Variants in SLC24A3 observed in about 807,000 individuals in gnomAD.
SLC24A3 encodes sodium/potassium/calcium exchanger 3.
Under a neutral mutation model 75.8 loss-of-function variants are expected in SLC24A3, and 28 were observed. That is an observed-to-expected ratio of 0.37 (90% CI 0.27 to 0.51). The LOEUF is 0.51. SLC24A3 is among the 20% of genes least tolerant of loss of function. The pLI, the probability that SLC24A3 is intolerant of heterozygous loss-of-function variation, is 0.94. For synonymous variants in SLC24A3, 372 were observed against 334.1 expected, an observed-to-expected ratio of 1.11 and a Z score of -1.24; for missense variants, 663 against 847.8, an observed-to-expected ratio of 0.78 and a Z score of 2.71.
chr20:19,613,312 C>G (rs559498146), intron 6 of SLC24A3, among the ~76,000 whole-genome samples: 1 of 152,304 alleles, frequency 6.6e-6, no homozygotes, highest in South Asian at 2.1e-4. Flanking sequence ...AGTATCTGAA[C>G]AGTGCCCAAA....
rs559503453 is a variant in SLC24A3 at position 19,431,050 on chromosome 20, T to C, written c.272-84438T>C. Among the ~76,000 whole-genome samples the C allele has an allele frequency of 9.3e-4, 142 of 152,116 alleles. 2 individuals carry two copies. The highest frequency in any genetic ancestry group is 2.7e-3 in the South Asian group (13 of 4,818). On this transcript the variant is annotated intron_variant, in intron 2 of 16. Coordinates refer to ENST00000328041, the MANE Select transcript of SLC24A3 (RefSeq NM_020689.4). ...GGGGGCAAAAGGAGCACCTAGGCTT[T>C]GGGGTCAGGGCAGTAGAGCAGCTTT...
intron 1 of SLC24A3, among the ~76,000 whole-genome samples, chr20:19,256,189 A>T (rs137916175): frequency 1.6e-3 from 237 of 152,272 alleles, no homozygotes; most frequent in African/African-American, 5.5e-3. Context: ...TGCAACATGG[A>T]TGAATCTTGA....
chr20:19,696,886 G>C lies in SLC24A3; in HGVS notation c.1581G>C (p.Met527Ile). ...CTGGGACCAGCGTGCCTGACTGCAT[G>C]GCCAGCCTCATTGTGGCCAGACAAG... Reference protein sequence around the residue: ...LAAGTSVPDCMASLIVARQGM... With the variant: ...LAAGTSVPDCIASLIVARQGM... Residue 527 changes from methionine to isoleucine, a missense_variant, in exon 14 of 17, where the codon ATG becomes ATC. Around this residue, in one of 2 missense-constraint regions of SLC24A3, gnomAD observed 510 missense variants for 703.6 expected, o/e 0.72. Transcript: ENST00000328041. 1 of 1,612,888 alleles carries C rather than the reference G, an allele frequency of 6.2e-7. No homozygotes were observed. Among genetic ancestry groups the C allele is most frequent in the Non-Finnish European group, 8.5e-7 (1 of 1,179,568 alleles).
chr20:19,277,390 G>A (rs141331323), intron 1 of SLC24A3, among the ~76,000 whole-genome samples: 26 of 152,292 alleles, frequency 1.7e-4, no homozygotes, highest in African/African-American at 4.6e-4. Context: ...ATGTAGCCAC[G>A]GATTGGCTCT....
At chr20:19,673,787 GCCAGACTGTTGTGAGTCACTGTA>G in intron 9 of SLC24A3, 133 bp downstream of exon 9, 1 of 712,052 alleles carries the variant, frequency 1.4e-6, no homozygotes, top group Non-Finnish European at 2.4e-6. Context: ...TTGGCTCCCT[GCCAGACTGTTGTGAGTCACTGTA>G]ATTTTGATTA....
At chr20:19,521,692 A>G (rs1568643221) in intron 3 of SLC24A3, among the ~76,000 whole-genome samples, 1 of 152,096 alleles carries the variant, frequency 6.6e-6, no homozygotes, top group Admixed American at 6.5e-5. Flanking sequence ...TCTTCCAGTT[A>G]TTTCTGCTAT....
chr20:19,330,024 C>T (rs972063498), intron 2 of SLC24A3, among the ~76,000 whole-genome samples: 6 of 152,204 alleles, frequency 3.9e-5, no homozygotes, highest in Non-Finnish European at 8.8e-5. Context: ...GATTTTAACT[C>T]AGAAGGGCTC....
intron 2 of SLC24A3, among the ~76,000 whole-genome samples, chr20:19,321,335 G>C (rs901559109): frequency 6.6e-6 from 1 of 152,132 alleles, no homozygotes; most frequent in African/African-American, 2.4e-5. Flanking sequence ...GAGTGATGGA[G>C]CGAACACAGC....
At position 19,618,370 on chromosome 20, in the gene SLC24A3, A is replaced by G. The variant is rs114224991; in HGVS notation, c.612+32826A>G. ...TGCTGTCTTCTGGCTTTGCCTCCTCACCTTGCAGGTGCCGTCTTCCCCCTC... is the reference window on the plus strand; with the variant it reads ...TGCTGTCTTCTGGCTTTGCCTCCTCGCCTTGCAGGTGCCGTCTTCCCCCTC... On this transcript the variant is annotated intron_variant, in intron 6 of 16. Transcript: ENST00000328041. Among the ~76,000 whole-genome samples, 623 of 151,934 alleles carry G rather than the reference A, an allele frequency of 4.1e-3. 3 individuals carry two copies. Among genetic ancestry groups the G allele is most frequent in the African/African-American group, 0.014 (598 of 41,414 alleles).
intron 15 of SLC24A3, among the ~76,000 whole-genome samples, chr20:19,708,243 G>T (rs2122161236): frequency 6.6e-6 from 1 of 152,214 alleles, no homozygotes; most frequent in South Asian, 2.1e-4. Context: ...GTACCTGTAT[G>T]ACAGCATGGG....
chr20:19,336,515 AGCTGGAATTACAGGCG>A (rs1436107273), intron 2 of SLC24A3, among the ~76,000 whole-genome samples: 1 of 152,054 alleles, frequency 6.6e-6, no homozygotes, highest in African/African-American at 2.4e-5. Context: ...CTTCCTGAGT[AGCTGGAATTACAGGCG>A]CCTGCCACCA....
chr20:19,300,265 T>C (rs1432595350), intron 2 of SLC24A3, among the ~76,000 whole-genome samples: 3 of 152,082 alleles, frequency 2.0e-5, no homozygotes, highest in African/African-American at 7.2e-5. Flanking sequence ...AGAAGCTGGG[T>C]CATAAAAACA....
At chr20:19,370,776 G>A (rs1349532974) in intron 2 of SLC24A3, among the ~76,000 whole-genome samples, 2 of 152,156 alleles carry the variant, frequency 1.3e-5, no homozygotes, top group Non-Finnish European at 2.9e-5. Context: ...CTAGAGTTCA[G>A]GCCAAGGAAA....
intron 6 of SLC24A3, among the ~76,000 whole-genome samples, chr20:19,634,720 A>G (rs1271202976): frequency 6.6e-6 from 1 of 152,070 alleles, no homozygotes; most frequent in Admixed American, 6.6e-5. Flanking sequence ...GAGAAATCCA[A>G]TCTGTGGTTA....
chr20:19,510,583 C>T (rs577889895), intron 2 of SLC24A3, among the ~76,000 whole-genome samples: 1 of 152,262 alleles, frequency 6.6e-6, no homozygotes, highest in African/African-American at 2.4e-5. Context: ...GAGATGGGAC[C>T]TTTGGGAGGT....
At chr20:19,448,854 A>G (rs1987433395) in intron 2 of SLC24A3, among the ~76,000 whole-genome samples, 1 of 152,164 alleles carries the variant, frequency 6.6e-6, no homozygotes, top group Non-Finnish European at 1.5e-5. Flanking sequence ...TCCATAAATT[A>G]TTAGGATTTG....
Position 19,638,929 on chromosome 20 carries a change from T to C in SLC24A3, c.613-15133T>C, listed in dbSNP as rs374781596. ...AGTATTACAGCTCATAAAAGCAGTG[T>C]GGACCCAAAGAGTGAGCAGTAGCAA... On this transcript the variant is annotated intron_variant, in intron 6 of 16. Coordinates refer to ENST00000328041, the MANE Select transcript of SLC24A3 (RefSeq NM_020689.4). 3.9e-5 allele frequency among the ~76,000 whole-genome samples: 6 copies of C among 152,246 alleles called. No individual in the cohort carries two copies. The East Asian group carries it at 7.7e-4, about 20-fold the overall frequency.
intron 6 of SLC24A3, among the ~76,000 whole-genome samples, chr20:19,609,023 T>G (rs555142857): frequency 6.6e-6 from 1 of 152,242 alleles, no homozygotes; most frequent in East Asian, 1.9e-4. Context: ...TACAAAGGCA[T>G]TAATGAAGGA....
intron 2 of SLC24A3, among the ~76,000 whole-genome samples, chr20:19,350,237 AAG>A (rs1188545134): frequency 6.6e-6 from 1 of 152,234 alleles, no homozygotes. Flanking sequence ...AGTTGGTAAA[AAG>A]AGCACTTTAT....
Sources: allele counts gnomAD v4.1 joint callset (sites outside exome capture counted in the v4.1 genomes callset), GRCh38; gene constraint gnomAD v4.1.1; regional missense constraint gnomAD v4.1.1; transcripts MANE v1.5; gene names NCBI Gene and HGNC (gene_info 2026-07-23, HGNC 2026-07-21).